Variants in PRDM6 observed in about 807,000 individuals in gnomAD.
The protein encoded by PRDM6 is PR/SET domain 6, also known as putative histone-lysine N-methyltransferase PRDM6.
PRDM6 carries 25 observed loss-of-function variants against 60.8 expected under a neutral mutation model. The observed-to-expected ratio is 0.41, with a 90% confidence interval of 0.30 to 0.57. The LOEUF is 0.57. PRDM6 is among the 20% of genes least tolerant of loss of function. The probability of loss-of-function intolerance (pLI) is 0.27; values close to 1 mark genes in which losing one functional copy is unlikely to be tolerated. For synonymous variants in PRDM6, 407 were observed against 357.4 expected (o/e 1.14, Z -1.57); for missense variants, 839 against 821.3 (o/e 1.02, Z -0.26).
At chr5:123,168,000 C>T (rs1765796570) in intron 5 of PRDM6, among the ~76,000 whole-genome samples, 1 of 152,146 alleles carries the variant, frequency 6.6e-6, no homozygotes, top group Non-Finnish European at 1.5e-5. Flanking sequence ...GGTGGTTCTA[C>T]CCCAATCTCT....
intron 3 of PRDM6, among the ~76,000 whole-genome samples, chr5:123,148,044 C>G (rs571693555): frequency 2.5e-3 from 384 of 152,304 alleles, no homozygotes; most frequent in Non-Finnish European, 4.6e-3. Flanking sequence ...TTCACATGGC[C>G]GGCTCTCTGA....
At chr5:123,178,458 G>A (rs763447007) in intron 6 of PRDM6, among the ~76,000 whole-genome samples, 3 of 152,050 alleles carry the variant, frequency 2.0e-5, no homozygotes, top group Non-Finnish European at 4.4e-5. Context: ...GAACAGATTC[G>A]GCAGGAGGAC....
intron 3 of PRDM6, among the ~76,000 whole-genome samples, chr5:123,149,368 G>A (rs1157077665): frequency 6.6e-6 from 1 of 152,146 alleles, no homozygotes; most frequent in Non-Finnish European, 1.5e-5. Flanking sequence ...TGAACATATT[G>A]AGTGTTCATG....
intron 2 of PRDM6, among the ~76,000 whole-genome samples, chr5:123,090,966 T>C (rs1580470029): frequency 6.6e-6 from 1 of 152,090 alleles, no homozygotes; most frequent in Non-Finnish European, 1.5e-5. Flanking sequence ...ACTGGCAGCG[T>C]GTGACAGGGG....
intron 3 of PRDM6, among the ~76,000 whole-genome samples, chr5:123,143,607 C>T (rs1468215011): frequency 1.3e-5 from 2 of 152,078 alleles, no homozygotes; most frequent in African/African-American, 2.4e-5. Context: ...AAACACAGGG[C>T]GTCTCTCTGG....
intron 5 of PRDM6, among the ~76,000 whole-genome samples, chr5:123,164,122 G>A (rs1022471404): frequency 7.2e-5 from 11 of 151,980 alleles, no homozygotes; most frequent in African/African-American, 1.9e-4. Context: ...GGTGCAAAAA[G>A]CCAGGCCCTG....
At chr5:123,100,348 G>A (rs932271520) in intron 3 of PRDM6, among the ~76,000 whole-genome samples, 6 of 152,200 alleles carry the variant, frequency 3.9e-5, no homozygotes, top group African/African-American at 1.4e-4. Context: ...GAATGTTTGA[G>A]CTGGGTGACC....
chr5:123,167,232 C>A (rs1461150401), intron 5 of PRDM6, among the ~76,000 whole-genome samples: 1 of 151,660 alleles, frequency 6.6e-6, no homozygotes, highest in Non-Finnish European at 1.5e-5. Context: ...CCCTACTGAT[C>A]TATCAAACAC....
chr5:123,183,605 AAAAT>A (rs1766215426), intron 7 of PRDM6, among the ~76,000 whole-genome samples: 1 of 152,222 alleles, frequency 6.6e-6, no homozygotes, highest in African/African-American at 2.4e-5. Flanking sequence ...GCATGTACGA[AAAAT>A]AAAAATTGGA....
At chr5:123,138,495 A>G (rs1218429399) in intron 3 of PRDM6, among the ~76,000 whole-genome samples, 1 of 152,212 alleles carries the variant, frequency 6.6e-6, no homozygotes, top group Non-Finnish European at 1.5e-5. Flanking sequence ...AACCTATTTC[A>G]CACAGCAACT....
intron 5 of PRDM6, among the ~76,000 whole-genome samples, chr5:123,169,530 A>C (rs1412940036): frequency 6.6e-6 from 1 of 152,198 alleles, no homozygotes; most frequent in East Asian, 1.9e-4. Context: ...ACCTTGTAAA[A>C]GGGGACTTTA....
chr5:123,129,897 T>C (rs1263054938), intron 3 of PRDM6, among the ~76,000 whole-genome samples: 2 of 152,270 alleles, frequency 1.3e-5, no homozygotes, highest in South Asian at 2.1e-4. Context: ...AATTCCTGTT[T>C]ATAAAAATAG....
intron 1 of PRDM6, 120 bp downstream of exon 1, chr5:123,089,639 G>A (rs1216465998): frequency 8.8e-6 from 2 of 227,698 alleles, no homozygotes; most frequent in Non-Finnish European, 1.7e-5. Flanking sequence ...AGGCCAACGC[G>A]GCTCGGGCGC....
Position 123,155,979 on chromosome 5 carries a change from C to G in PRDM6, c.996C>G (p.Cys332Trp), listed in dbSNP as rs758132131. The G allele has an allele frequency of 6.4e-7, 1 of 1,551,474 alleles. No individual in the cohort carries two copies. The change falls in exon 4 of 8, where the codon TGC becomes TGG. Residue 332 changes from cysteine to tryptophan, a missense_variant. Physicochemically the swap from Cys to Trp is radical, Grantham distance 215. Around this residue, in one of 2 missense-constraint regions of PRDM6, gnomAD observed 730 missense variants for 648.8 expected, o/e 1.13. Coordinates refer to ENST00000407847, the MANE Select transcript of PRDM6 (RefSeq NM_001136239.4). The stretch of plus-strand genomic sequence containing the variant: ...GGTATATCCGATGTGCAAGGCACTG[C>G]GGAGAACAGAATCTAACAGTAGTTC... ...WMRYIRCARH[C>W]GEQNLTVVQY...
chr5:123,096,553 G>C (rs1763964167), intron 2 of PRDM6, among the ~76,000 whole-genome samples: 1 of 152,206 alleles, frequency 6.6e-6, no homozygotes, highest in African/African-American at 2.4e-5. Context: ...CTTGATGGCA[G>C]TTGGTCAACT....
intron 3 of PRDM6, among the ~76,000 whole-genome samples, chr5:123,118,423 A>G (rs1764506308): frequency 6.6e-6 from 1 of 152,246 alleles, no homozygotes; most frequent in African/African-American, 2.4e-5. Context: ...ATAGGAAACT[A>G]CAACATAATC....
chr5:123,159,958 GGGA>G (rs1346761063), intron 5 of PRDM6, among the ~76,000 whole-genome samples: 3 of 152,208 alleles, frequency 2.0e-5, no homozygotes, highest in African/African-American at 7.2e-5. Context: ...TGCCACCTTA[GGGA>G]TTACAAGAGC....
intron 5 of PRDM6, among the ~76,000 whole-genome samples, chr5:123,166,629 C>T (rs1765759119): frequency 6.6e-6 from 1 of 152,208 alleles, no homozygotes; most frequent in South Asian, 2.1e-4. Flanking sequence ...TGCCAGAGGG[C>T]AGTGACTTTG....
chr5:123,177,814 T>C (rs1766050777), intron 6 of PRDM6, among the ~76,000 whole-genome samples: 1 of 152,156 alleles, frequency 6.6e-6, no homozygotes, highest in Non-Finnish European at 1.5e-5. Flanking sequence ...CCATTCCCCT[T>C]ACCAGGCAGA....
Sources: allele counts gnomAD v4.1 joint callset (sites outside exome capture counted in the v4.1 genomes callset), GRCh38; gene constraint gnomAD v4.1.1; regional missense constraint gnomAD v4.1.1; transcripts MANE v1.5; gene names NCBI Gene and HGNC (gene_info 2026-07-23, HGNC 2026-07-21).